Variants in SNTG1 observed in about 807,000 individuals in gnomAD.
SNTG1 encodes the protein syntrophin gamma 1.
Under a neutral mutation model 74.7 loss-of-function variants are expected in SNTG1, and 39 were observed. The ratio of observed to expected loss-of-function variants is 0.52; its 90% CI spans 0.40 to 0.68. The LOEUF (loss-of-function observed/expected upper bound fraction) is 0.68, where lower values mean the gene tolerates loss of function less well. SNTG1 is among the 30% of genes least tolerant of loss of function. The pLI is 0.00. For synonymous variants in SNTG1, 254 were observed against 217.1 expected (o/e 1.17, Z -1.49); for missense variants, 685 against 609.5 (o/e 1.12, Z -1.30).
chr8:50,697,401 A>G lies in SNTG1; in HGVS notation c.1039-7199A>G, dbSNP rs186209136. 9.3e-4 allele frequency among the ~76,000 whole-genome samples: 141 copies of G among 152,248 alleles called. 2 individuals carry two copies. Among genetic ancestry groups the G allele is most frequent in the Middle Eastern group, 6.8e-3 (2 of 294 alleles). On this transcript the variant is annotated intron_variant, in intron 15 of 18. Coordinates refer to ENST00000642720, the MANE Select transcript of SNTG1 (RefSeq NM_018967.5). ...AGGACAATTGACTTTCTGTTTTCCA[A>G]TGTGGATGACTTTGGTTTATTTCTC...
At chr8:50,649,496 C>T (rs2095131172) in intron 13 of SNTG1, among the ~76,000 whole-genome samples, 1 of 151,480 alleles carries the variant, frequency 6.6e-6, no homozygotes. Flanking sequence ...GAGACTCCTT[C>T]TCAAAAAAAG....
At chr8:50,533,879 A>C (rs1030493992) in intron 10 of SNTG1, among the ~76,000 whole-genome samples, 4 of 152,232 alleles carry the variant, frequency 2.6e-5, no homozygotes, top group African/African-American at 9.6e-5. Flanking sequence ...AAGTGTATTG[A>C]TAAGATTTGT....
intron 18 of SNTG1, among the ~76,000 whole-genome samples, chr8:50,788,124 T>C (rs2095681026): frequency 6.6e-6 from 1 of 151,858 alleles, no homozygotes; most frequent in African/African-American, 2.4e-5. Context: ...TAACAAGAAA[T>C]AAACCTATGA....
chr8:50,490,526 C>A (rs562399651), intron 8 of SNTG1, among the ~76,000 whole-genome samples: 1 of 152,196 alleles, frequency 6.6e-6, no homozygotes, highest in Non-Finnish European at 1.5e-5. Context: ...TCTCCTTGTG[C>A]AATTGTGAAT....
chr8:50,595,655 G>A (rs1300359673), intron 13 of SNTG1, among the ~76,000 whole-genome samples: 1 of 152,008 alleles, frequency 6.6e-6, no homozygotes, highest in Admixed American at 6.6e-5. Context: ...TCCTGAGGGA[G>A]CGGGGAACAA....
At chr8:50,734,685 T>C (rs1007959296) in intron 17 of SNTG1, among the ~76,000 whole-genome samples, 2 of 147,692 alleles carry the variant, frequency 1.4e-5, no homozygotes, top group Non-Finnish European at 3.0e-5. Context: ...TAGATATGTA[T>C]ATATGGACAT....
intron 13 of SNTG1, among the ~76,000 whole-genome samples, chr8:50,655,717 A>G (rs73676380): frequency 0.016 from 2,453 of 152,316 alleles, 58 homozygotes; most frequent in African/African-American, 0.056. Context: ...TGAGTAGACG[A>G]CAGTAATATT....
Position 50,191,264 on chromosome 8 carries a change from A to T in SNTG1, c.-28+18629A>T, listed in dbSNP as rs924567056. On this transcript the variant is annotated intron_variant, in intron 2 of 18. Coordinates refer to ENST00000642720, the MANE Select transcript of SNTG1 (RefSeq NM_018967.5). ...ATACAGCCATTTGGTAATGGTAAGA[A>T]AACTAAGATTTTATTGTAACAGATA... is the stretch of plus-strand genomic sequence containing the variant. 1.2e-4 allele frequency among the ~76,000 whole-genome samples: 9 copies of T among 74,162 alleles called. No individual in the cohort carries two copies. The East Asian group carries it at 2.4e-3, about 20-fold the overall frequency. The allele number at this position is 74,162 out of a possible 152,430, so 48.7% of individuals were successfully genotyped here.
At chr8:50,140,891 G>T (rs764654184) in intron 1 of SNTG1, among the ~76,000 whole-genome samples, 1 of 152,092 alleles carries the variant, frequency 6.6e-6, no homozygotes, top group Non-Finnish European at 1.5e-5. Flanking sequence ...CCATTATAAA[G>T]AAGTAGGTTG....
chr8:50,667,103 A>C (rs968809439), intron 15 of SNTG1, among the ~76,000 whole-genome samples: 4 of 151,976 alleles, frequency 2.6e-5, no homozygotes, highest in Non-Finnish European at 4.4e-5. Context: ...TATACACATA[A>C]ATTAAGGTAT....
At chr8:50,671,739 G>A (rs774064227) in intron 15 of SNTG1, among the ~76,000 whole-genome samples, 25 of 151,880 alleles carry the variant, frequency 1.6e-4, no homozygotes, top group Non-Finnish European at 2.5e-4. Context: ...AAAGACACAT[G>A]CACACGTATG....
intron 2 of SNTG1, among the ~76,000 whole-genome samples, chr8:50,220,404 G>C (rs1318672046): frequency 6.6e-6 from 1 of 152,086 alleles, no homozygotes; most frequent in Non-Finnish European, 1.5e-5. Context: ...TGAGAACAAA[G>C]AGTTGTGGAA....
intron 12 of SNTG1, among the ~76,000 whole-genome samples, chr8:50,585,562 T>G (rs1321518527): frequency 6.6e-6 from 1 of 152,206 alleles, no homozygotes; most frequent in African/African-American, 2.4e-5. Context: ...TTGTCTTATT[T>G]GAAGATCAGT....
intron 2 of SNTG1, among the ~76,000 whole-genome samples, chr8:50,379,252 G>A (rs531511462): frequency 1.6e-4 from 25 of 152,136 alleles, no homozygotes; most frequent in Admixed American, 3.9e-4. Flanking sequence ...ACTTTGCTCC[G>A]AGATCAGAGT....
chr8:49,984,397 G>T (rs1314686958), intron 1 of SNTG1, among the ~76,000 whole-genome samples: 1 of 151,940 alleles, frequency 6.6e-6, no homozygotes, highest in Non-Finnish European at 1.5e-5. Flanking sequence ...TAGAGACGGG[G>T]TTTCACCATG....
intron 2 of SNTG1, among the ~76,000 whole-genome samples, chr8:50,191,481 T>A (rs1220494883): frequency 6.6e-6 from 1 of 152,138 alleles, no homozygotes; most frequent in Non-Finnish European, 1.5e-5. Context: ...ATCATTTGCC[T>A]CACTATCTTT....
At chr8:50,500,577 T>C (rs547565788) in intron 8 of SNTG1, among the ~76,000 whole-genome samples, 1 of 152,294 alleles carries the variant, frequency 6.6e-6, no homozygotes, top group East Asian at 1.9e-4. Context: ...GTGATTTTTC[T>C]GATTCTCAAT....
chr8:50,739,132 C>T (rs1011628787), intron 17 of SNTG1, among the ~76,000 whole-genome samples: 2 of 152,074 alleles, frequency 1.3e-5, no homozygotes, highest in Admixed American at 6.6e-5. Flanking sequence ...AGGCCATCTA[C>T]ACAATGGGAG....
intron 1 of SNTG1, among the ~76,000 whole-genome samples, chr8:50,023,091 G>T (rs944464555): frequency 6.6e-6 from 1 of 152,170 alleles, no homozygotes; most frequent in Admixed American, 6.6e-5. Flanking sequence ...GATCAACAAG[G>T]TTGGCAGTGG....
Sources: allele counts gnomAD v4.1 joint callset (sites outside exome capture counted in the v4.1 genomes callset), GRCh38; gene constraint gnomAD v4.1.1; transcripts MANE v1.5; gene names NCBI Gene and HGNC (gene_info 2026-07-23, HGNC 2026-07-21).